ELOF1: variants seen among roughly 807,000 people sequenced by gnomAD.
ELOF1 encodes transcription elongation factor 1 homolog.
ELOF1 carries 4 observed loss-of-function variants against 7.1 expected under a neutral mutation model. The observed-to-expected ratio is 0.56, with a 90% CI of 0.28 to 1.29. ELOF1 has a LOEUF of 1.29. Among genes scored for constraint, ELOF1 ranks in the 50% most tolerant of loss-of-function variants. The pLI, the probability that ELOF1 is intolerant of heterozygous loss-of-function variation, is 0.10. For missense variants in ELOF1, 59 were observed against 86.3 expected (o/e 0.68, Z 1.25); for synonymous variants, 31 against 31.9 (o/e 0.97, Z 0.09).
rs1972758489 is a variant in ELOF1, at chr19:11,553,342, A to G, written c.188-287T>C. 8 of 446,372 alleles carry G rather than the reference A, an allele frequency of 1.8e-5. No homozygotes were observed. The Admixed American group carries it at 2.2e-4, about 12-fold the overall frequency. The allele number at this position is 446,372 out of a possible 1,614,324, so 27.7% of individuals were successfully genotyped here. On this transcript the variant is annotated intron_variant, in intron 3 of 3. Coordinates refer to ENST00000586683, the Ensembl canonical transcript of ELOF1. Reference sequence around the variant, plus strand: ...CTCTAGTGGGCTTCCCTTGTCCAGGATGTCAGGAAACAGTCCCCCAATTCC... The same window carrying G: ...CTCTAGTGGGCTTCCCTTGTCCAGGGTGTCAGGAAACAGTCCCCCAATTCC...
intron 1 of ELOF1, among the ~76,000 whole-genome samples, chr19:11,556,751 G>A (rs772473742): frequency 6.6e-6 from 1 of 152,190 alleles, no homozygotes; most frequent in Non-Finnish European, 1.5e-5. Flanking sequence ...AGGCTGGAGT[G>A]CAGTGGCATG....
At chr19:11,553,750 T>C (rs1972777798) in intron 3 of ELOF1, 1 of 1,614,232 alleles carries the variant, frequency 6.2e-7, no homozygotes, top group East Asian at 2.2e-5. Flanking sequence ...GTGTCGCTAC[T>C]GATTGGCCGC....
In ELOF1 at chr19:11,554,367, T is replaced by C. The variant is rs140013085; in HGVS notation, c.-18-2A>G. 412 of 1,612,354 alleles carry C rather than the reference T, an allele frequency of 2.6e-4. 1 individual carries two copies. Among genetic ancestry groups the C allele is most frequent in the Middle Eastern group, 2.3e-3 (14 of 6,056 alleles). Reference sequence around the variant, plus strand: ...CCCCATGTCTGCAGGTGGATGAGCCTGTGGGGAGTGGCAGATGTCAGTGGT... The same window carrying C: ...CCCCATGTCTGCAGGTGGATGAGCCCGTGGGGAGTGGCAGATGTCAGTGGT... On this transcript the variant is annotated splice_acceptor_variant, in intron 1 of 3. Coordinates refer to ENST00000586683, the Ensembl canonical transcript of ELOF1. LOFTEE classifies it low-confidence loss of function (5UTR_SPLICE).
chr19:11,554,681 T>C (rs1972802282), intron 1 of ELOF1: 1 of 398,858 alleles, frequency 2.5e-6, no homozygotes, highest in African/African-American at 2.0e-5. Flanking sequence ...CTCACACCTG[T>C]GATCCCAGCC....
intron 3 of ELOF1, chr19:11,553,516 C>G (rs1407631448): frequency 9.6e-6 from 6 of 624,020 alleles, no homozygotes; most frequent in Non-Finnish European, 1.7e-5. Flanking sequence ...CTCACGGCCA[C>G]CCCAGTGACA....
chr19:11,554,474 G>A (rs866650063), intron 1 of ELOF1, 109 bp from the exon 2 acceptor site: 8 of 1,454,046 alleles, frequency 5.5e-6, no homozygotes, highest in Middle Eastern at 2.4e-4. Flanking sequence ...CCGTGGTCCC[G>A]GGGCCTCTGC....
chr19:11,553,582 T>C (rs1361570444), intron 3 of ELOF1: 12 of 606,044 alleles, frequency 2.0e-5, no homozygotes, highest in Admixed American at 1.2e-4. Context: ...GCACACCCAC[T>C]ACACACACAC....
At chr19:11,554,194 G>C (rs1183111525) in intron 2 of ELOF1, 38 bp downstream of exon 2, 3 of 1,613,202 alleles carry the variant, frequency 1.9e-6, no homozygotes, top group Admixed American at 1.7e-5. Flanking sequence ...GGAAGAGGCA[G>C]TGGGGAGGCT....
At chr19:11,557,550 T>C (rs1027540963) in intron 1 of ELOF1, among the ~76,000 whole-genome samples, 10 of 135,778 alleles carry the variant, frequency 7.4e-5, no homozygotes, top group African/African-American at 2.9e-4. Context: ...GAGCTGAGAT[T>C]GTGCCACCGC....
intron 1 of ELOF1, 129 bp from the exon 2 acceptor site, chr19:11,554,494 A>C: frequency 1.1e-5 from 15 of 1,308,358 alleles, no homozygotes; most frequent in South Asian, 1.5e-5. Flanking sequence ...CCCTTGAGGG[A>C]CGAGGCCCTC....
At chr19:11,558,029 C>T (rs1313441272) in intron 1 of ELOF1, among the ~76,000 whole-genome samples, 3 of 152,164 alleles carry the variant, frequency 2.0e-5, no homozygotes, top group African/African-American at 7.2e-5. Flanking sequence ...TCTGCCTCAG[C>T]CACACCTCCA....
chr19:11,558,712 G>C (rs1972869661), intron 1 of ELOF1, among the ~76,000 whole-genome samples: 1 of 147,492 alleles, frequency 6.8e-6, no homozygotes, highest in Non-Finnish European at 1.5e-5. Flanking sequence ...CGGCGACACA[G>C]CAAGACTCAC....
intron 3 of ELOF1, chr19:11,553,461 CT>C: frequency 1.7e-6 from 1 of 583,004 alleles, no homozygotes; most frequent in Non-Finnish European, 3.1e-6. Flanking sequence ...GTTCAGGCCC[CT>C]CAGGCCCAGG....
At chr19:11,553,776 CCAAT>C in intron 3 of ELOF1, 1 of 1,614,188 alleles carries the variant, frequency 6.2e-7, no homozygotes, top group Non-Finnish European at 8.5e-7. Context: ...AGGCGTCTAT[CCAAT>C]CACTGTACAC....
intron 3 of ELOF1, chr19:11,553,597 A>C (rs1599617649): frequency 1.9e-6 from 1 of 522,046 alleles, no homozygotes; most frequent in South Asian, 2.3e-5. Flanking sequence ...ACACACACAC[A>C]CACACACACA....
intron 1 of ELOF1, among the ~76,000 whole-genome samples, chr19:11,558,134 C>T (rs1182387591): frequency 6.6e-6 from 1 of 152,206 alleles, no homozygotes; most frequent in Non-Finnish European, 1.5e-5. Context: ...CTCATCTCAG[C>T]TAACAGCAAT....
intron 1 of ELOF1, 110 bp from the exon 2 acceptor site, chr19:11,554,475 G>C: frequency 6.8e-7 from 1 of 1,460,798 alleles, no homozygotes; most frequent in Non-Finnish European, 9.1e-7. Flanking sequence ...CGTGGTCCCG[G>C]GGCCTCTGCC....
chr19:11,553,188 C>A (rs918518245), intron 3 of ELOF1: 7 of 400,948 alleles, frequency 1.7e-5, no homozygotes, highest in Non-Finnish European at 3.1e-5. Context: ...CAGGGCCCAG[C>A]CCAGGGACCT....
chr19:11,556,459 G>A lies in ELOF1; in HGVS notation c.-18-2094C>T, dbSNP rs554380460. On this transcript the variant is annotated intron_variant, in intron 1 of 3. Coordinates refer to ENST00000586683, the Ensembl canonical transcript of ELOF1. ...GGAGTACAGGCATGCACTACCACGC[G>A]TGGCTAATTTTTTGTATTTTTAGTA... Among the ~76,000 whole-genome samples, 3 of 151,946 alleles carry A rather than the reference G, an allele frequency of 2.0e-5. 1 individual carries two copies. The highest frequency in any genetic ancestry group is 7.2e-5 in the African/African-American group (3 of 41,432).
Sources: allele counts gnomAD v4.1 joint callset (sites outside exome capture counted in the v4.1 genomes callset), GRCh38; gene constraint gnomAD v4.1.1; transcripts MANE v1.5; gene names NCBI Gene and HGNC (gene_info 2026-07-23, HGNC 2026-07-21).